Variants in ADAM7 observed in about 807,000 individuals in gnomAD.
ADAM7 encodes disintegrin and metalloproteinase domain-containing protein 7.
In ADAM7, 97 loss-of-function variants were observed where a neutral mutation model predicts 102.9. The observed-to-expected ratio is 0.94, with a 90% CI of 0.80 to 1.12. The LOEUF is 1.12. ADAM7 is among the 50% of genes most tolerant of loss of function. The probability of loss-of-function intolerance (pLI) is 0.00; values close to 1 mark genes in which losing one functional copy is unlikely to be tolerated. For synonymous variants in ADAM7, 334 were observed against 304.4 expected (o/e 1.10, Z -1.01); for missense variants, 991 against 908.7 (o/e 1.09, Z -1.16).
Position 24,492,065 on chromosome 8 carries a change from C to T in ADAM7, c.1519C>T (p.Arg507Cys), listed in dbSNP as rs760906182. 9.3e-6 allele frequency: 15 copies of T among 1,613,614 alleles called. No individual in the cohort carries two copies. The highest frequency in any genetic ancestry group is 2.2e-5 in the East Asian group (1 of 44,888). The change falls in exon 14 of 22, where the codon CGT becomes TGT. Residue 507 changes from arginine (R) to cysteine (C), a missense_variant. Transcript: ENST00000175238. ...GYCFMGKCPT[R>C]EDQCSELFDD... is the part of the protein sequence containing the mutation. ...CTGTTTCATGGGGAAATGTCCAACT[C>T]GTGAGGATCAGTGCTCTGAACTATT...
At chr8:24,465,667 A>G in intron 4 of ADAM7, 32 bp from the exon 5 acceptor site, 6 of 1,356,730 alleles carry the variant, frequency 4.4e-6, no homozygotes, top group Non-Finnish European at 5.1e-6. Flanking sequence ...CAATATTTAT[A>G]CATATAGTAA....
At chr8:24,484,348 C>A (rs1820061445) in intron 9 of ADAM7, among the ~76,000 whole-genome samples, 1 of 152,102 alleles carries the variant, frequency 6.6e-6, no homozygotes, top group Admixed American at 6.6e-5. Context: ...CAGGTATGAC[C>A]CTTTAGCCCC....
At chr8:24,498,375 TAG>T (rs1361746263) in intron 16 of ADAM7, among the ~76,000 whole-genome samples, 2 of 151,628 alleles carry the variant, frequency 1.3e-5, no homozygotes, top group Non-Finnish European at 3.0e-5. Context: ...TTGAAAATGA[TAG>T]AATTATTTAG....
At chr8:24,480,776 C>T (rs75135015) in intron 8 of ADAM7, among the ~76,000 whole-genome samples, 2,026 of 152,094 alleles carry the variant, frequency 0.013, 44 homozygotes, top group African/African-American at 0.045. Flanking sequence ...TGTGGTGACT[C>T]ATGCTTGTAA....
intron 2 of ADAM7, among the ~76,000 whole-genome samples, chr8:24,445,672 A>G (rs1818530163): frequency 6.6e-6 from 1 of 152,200 alleles, no homozygotes; most frequent in Non-Finnish European, 1.5e-5. Context: ...AAAGTACTAA[A>G]ACACCATGCT....
rs1820419610 is a variant in ADAM7 at position 24,492,985 on chromosome 8, C to T, written c.1656-58C>T. On this transcript the variant is annotated intron_variant, in intron 15 of 21. Transcript: ENST00000175238. ...AGTGACCGGGAGGCTCCATTGCCAG[C>T]CTAGTCTCAAAAGTTGTATTTCTAG... 3.4e-6 allele frequency: 5 copies of T among 1,486,466 alleles called. No homozygotes were observed. The South Asian group carries it at 7.1e-5, about 21-fold the overall frequency. The allele number at this position is 1,486,466 out of a possible 1,614,324, so 92.1% of individuals were successfully genotyped here.
Position 24,490,801 on chromosome 8 carries a change from G to A in ADAM7, c.1269G>A (p.Glu423=). 6.2e-7 allele frequency: 1 copy of A among 1,612,906 alleles called. No individual in the cohort carries two copies. The highest frequency in any genetic ancestry group is 1.3e-5 in the African/African-American group (1 of 74,982). Residue 423 remains glutamate (E), a splice_region_variant and synonymous_variant, in exon 13 of 22, where the codon GAG becomes GAA. Coordinates refer to ENST00000175238, the MANE Select transcript of ADAM7 (RefSeq NM_003817.4). ...GEECDCGPAQ[E]CTNPCCDAHT... ...CTCTCTTTTGTGGTTATTGCCAGGAGTGTACTAATCCTTGCTGTGATGCAC... is the reference window on the plus strand; with the variant it reads ...CTCTCTTTTGTGGTTATTGCCAGGAATGTACTAATCCTTGCTGTGATGCAC...
chr8:24,489,074 C>A, intron 11 of ADAM7, 85 bp from the exon 12 acceptor site: 1 of 1,271,144 alleles, frequency 7.9e-7, no homozygotes, highest in South Asian at 1.7e-5. Flanking sequence ...TTGTTCTTTT[C>A]AAATGCTTCA....
At chr8:24,495,220 G>C (rs777128710) in intron 16 of ADAM7, among the ~76,000 whole-genome samples, 3 of 152,106 alleles carry the variant, frequency 2.0e-5, no homozygotes, top group Non-Finnish European at 4.4e-5. Flanking sequence ...AGAGTATCCA[G>C]AATACAAATG....
At chr8:24,450,434 T>C (rs1197385612) in intron 3 of ADAM7, among the ~76,000 whole-genome samples, 1 of 152,082 alleles carries the variant, frequency 6.6e-6, no homozygotes, top group African/African-American at 2.4e-5. Context: ...AGTTCACTCA[T>C]GATTTGGCTC....
intron 20 of ADAM7, among the ~76,000 whole-genome samples, chr8:24,505,458 T>A (rs1002913399): frequency 9.2e-5 from 14 of 152,140 alleles, no homozygotes; most frequent in African/African-American, 3.4e-4. Context: ...TCCTCAAACA[T>A]CACATTTAGG....
chr8:24,443,450 A>G (rs1468609132), intron 2 of ADAM7, among the ~76,000 whole-genome samples: 1 of 152,192 alleles, frequency 6.6e-6, no homozygotes. Flanking sequence ...CCCGTTTGGA[A>G]GTAATATGTA....
At chr8:24,485,218 C>A in intron 9 of ADAM7, 59 bp from the exon 10 acceptor site, 1 of 1,471,724 alleles carries the variant, frequency 6.8e-7, no homozygotes, top group South Asian at 1.2e-5. Flanking sequence ...GCAATTTGAT[C>A]TTTGTGTTAA....
At chr8:24,499,836 TCACACACACACA>T (rs113407082) in intron 17 of ADAM7, among the ~76,000 whole-genome samples, 1 of 140,858 alleles carries the variant, frequency 7.1e-6, no homozygotes, top group African/African-American at 2.6e-5. Context: ...ACATCACACA[TCACACACACACA>T]CACACATACA....
intron 3 of ADAM7, among the ~76,000 whole-genome samples, chr8:24,453,479 C>T (rs909739032): frequency 1.3e-3 from 195 of 152,282 alleles, no homozygotes; most frequent in African/African-American, 4.4e-3. Context: ...ACGTAGTTCT[C>T]GAGCCTTGGC....
At chr8:24,471,037 T>G (rs548969755) in intron 7 of ADAM7, among the ~76,000 whole-genome samples, 7 of 152,116 alleles carry the variant, frequency 4.6e-5, no homozygotes, top group African/African-American at 9.6e-5. Context: ...CCTGATTTTG[T>G]GTAGGTTTAG....
rs373989853 is a variant in ADAM7, at chr8:24,448,326, C to CCTAG, written c.233+1065_233+1068dup. On this transcript the variant is annotated intron_variant, in intron 3 of 21. Transcript: ENST00000175238. ...TTACCTTCACAATTACCCCAGGCTG[C>CCTAG]CTAGGCCTCTGAGTCAATTTCATTG... Among the ~76,000 whole-genome samples, 693 of 152,264 alleles carry CCTAG rather than the reference C, an allele frequency of 4.6e-3. 6 individuals carry two copies. Among genetic ancestry groups the CCTAG allele is most frequent in the African/African-American group, 0.016 (661 of 41,550 alleles).
intron 20 of ADAM7, among the ~76,000 whole-genome samples, chr8:24,506,989 T>A (rs1432981094): frequency 1.3e-5 from 2 of 152,154 alleles, no homozygotes; most frequent in African/African-American, 4.8e-5. Context: ...TGTGATTAGT[T>A]GATTAGTTTC....
chr8:24,446,078 T>A (rs918578078), intron 2 of ADAM7, among the ~76,000 whole-genome samples: 1 of 152,198 alleles, frequency 6.6e-6, no homozygotes, highest in Non-Finnish European at 1.5e-5. Flanking sequence ...CCATATTATC[T>A]CTGTGCCTGA....
Sources: allele counts gnomAD v4.1 joint callset (sites outside exome capture counted in the v4.1 genomes callset), GRCh38; gene constraint gnomAD v4.1.1; transcripts MANE v1.5; gene names NCBI Gene and HGNC (gene_info 2026-07-23, HGNC 2026-07-21).